Variants in AP4S1 observed in about 807,000 individuals in gnomAD.
The protein encoded by AP4S1 is AP-4 complex subunit sigma-1.
A neutral mutation model predicts 19.8 loss-of-function variants in AP4S1; 23 were observed. The ratio of observed to expected loss-of-function variants is 1.16; its 90% confidence interval spans 0.84 to 1.65. AP4S1 has a LOEUF of 1.65. Ranked by LOEUF, AP4S1 falls within the 40% of genes most tolerant of loss-of-function variation. The pLI is 0.00. For missense variants in AP4S1, 166 were observed against 172.8 expected, an observed-to-expected ratio of 0.96 and a Z score of 0.22; for synonymous variants, 46 against 54.1, an observed-to-expected ratio of 0.85 and a Z score of 0.66.
chr14:31,092,311 G>A (rs1209613941), intron 5 of AP4S1, among the ~76,000 whole-genome samples: 1 of 152,214 alleles, frequency 6.6e-6, no homozygotes, highest in Admixed American at 6.5e-5. Flanking sequence ...TGGGGGCTGA[G>A]GAGGGAGGTG....
chr14:31,049,413 CAAAA>C (rs1206930739), intron 1 of AP4S1, among the ~76,000 whole-genome samples: 1 of 43,544 alleles, frequency 2.3e-5, no homozygotes, highest in African/African-American at 1.1e-4. Context: ...GACTCGGTCT[CAAAA>C]AAAAAAAAAA....
chr14:31,033,300 G>C (rs1001427507), intron 1 of AP4S1, among the ~76,000 whole-genome samples: 1 of 151,740 alleles, frequency 6.6e-6, no homozygotes. Context: ...TGCAACCTCT[G>C]CCTCCCGTGT....
Position 31,078,769 on chromosome 14 carries a change from C to T in AP4S1, c.295-1804C>T, listed in dbSNP as rs141142853. On this transcript the variant is annotated intron_variant, in intron 4 of 5. Transcript: ENST00000542754. ...GTAAAGATTAGAATTTAATTTCAGCCAGGTGATTATGCAGGACTTGGACGG... is the reference window on the plus strand; with the variant it reads ...GTAAAGATTAGAATTTAATTTCAGCTAGGTGATTATGCAGGACTTGGACGG... 5.6e-4 allele frequency among the ~76,000 whole-genome samples: 85 copies of T among 152,100 alleles called. 1 individual carries two copies. The highest frequency in any genetic ancestry group is 1.6e-3 in the African/African-American group (67 of 41,472).
intron 1 of AP4S1, among the ~76,000 whole-genome samples, chr14:31,064,613 C>T (rs1177070439): frequency 1.3e-5 from 2 of 152,116 alleles, no homozygotes; most frequent in Non-Finnish European, 1.5e-5. Context: ...TGAGCCACCG[C>T]GCCTGACCAA....
intron 4 of AP4S1, 113 bp from the exon 5 acceptor site, chr14:31,080,460 A>C (rs147307302): frequency 2.4e-6 from 2 of 838,510 alleles, no homozygotes; most frequent in African/African-American, 3.3e-5. Flanking sequence ...GCCCAGAAGC[A>C]GGTAGGAGAG....
intron 4 of AP4S1, among the ~76,000 whole-genome samples, chr14:31,074,319 C>T (rs1217806885): frequency 7.0e-6 from 1 of 141,932 alleles, no homozygotes; most frequent in African/African-American, 2.7e-5. Flanking sequence ...GGCGAGACTC[C>T]GTCTCAAATA....
chr14:31,028,590 C>CACAT, intron 1 of AP4S1, among the ~76,000 whole-genome samples: 1 of 130,530 alleles, frequency 7.7e-6, no homozygotes, highest in South Asian at 2.7e-4. Context: ...AAGACATACA[C>CACAT]ACACATACAC....
At chr14:31,050,356 G>A (rs936437380) in intron 1 of AP4S1, among the ~76,000 whole-genome samples, 4 of 151,894 alleles carry the variant, frequency 2.6e-5, no homozygotes, top group Non-Finnish European at 5.9e-5. Flanking sequence ...CACCGTGCCC[G>A]GCCTATTTGT....
rs1219412342 is a variant in AP4S1, at chr14:31,048,119, G to A, written c.-71-18007G>A. Reference sequence around the variant, plus strand: ...TTTTTTTTTTTTTTTTTGAGATGGAGTTTTGCTCTTGTTGCCCAGGCTGGA... The same window carrying A: ...TTTTTTTTTTTTTTTTTGAGATGGAATTTTGCTCTTGTTGCCCAGGCTGGA... On this transcript the variant is annotated intron_variant, in intron 1 of 5. Coordinates refer to ENST00000542754, the MANE Select transcript of AP4S1 (RefSeq NM_001128126.3). Among the ~76,000 whole-genome samples, 5 of 145,002 alleles carry A rather than the reference G, an allele frequency of 3.4e-5. No homozygotes were observed. In the East Asian group the frequency reaches 1.0e-3, roughly 29 times the overall value.
chr14:31,034,760 G>C (rs1441109719), intron 1 of AP4S1, among the ~76,000 whole-genome samples: 1 of 150,726 alleles, frequency 6.6e-6, no homozygotes, highest in African/African-American at 2.4e-5. Flanking sequence ...TGGGATTACA[G>C]GCACCCGCCA....
At chr14:31,057,898 GATTAC>G (rs1886209765) in intron 1 of AP4S1, among the ~76,000 whole-genome samples, 1 of 151,370 alleles carries the variant, frequency 6.6e-6, no homozygotes, top group Admixed American at 6.6e-5. Context: ...AAAGTACTGG[GATTAC>G]AGGCGTGAGC....
chr14:31,060,574 C>T (rs1284138002), intron 1 of AP4S1, among the ~76,000 whole-genome samples: 1 of 152,172 alleles, frequency 6.6e-6, no homozygotes, highest in Non-Finnish European at 1.5e-5. Context: ...CTGTCTTACT[C>T]AAGTCTGAGC....
chr14:31,058,537 G>C (rs1180387102), intron 1 of AP4S1, among the ~76,000 whole-genome samples: 5,068 of 33,308 alleles, frequency 0.15, 256 homozygotes, highest in African/African-American at 0.25. Context: ...ATGTGTGTGT[G>C]TGTGTGTGTG....
At chr14:31,059,023 A>G (rs992326505) in intron 1 of AP4S1, among the ~76,000 whole-genome samples, 2 of 152,178 alleles carry the variant, frequency 1.3e-5, no homozygotes, top group African/African-American at 4.8e-5. Flanking sequence ...TTGATGATTA[A>G]TAACCATGAT....
intron 3 of AP4S1, among the ~76,000 whole-genome samples, chr14:31,072,198 C>T (rs962577909): frequency 1.3e-5 from 2 of 152,094 alleles, no homozygotes; most frequent in African/African-American, 4.8e-5. Flanking sequence ...ATCTCAGCCT[C>T]CCAAAGTGCT....
chr14:31,066,494 C>T (rs2139570460), intron 2 of AP4S1, among the ~76,000 whole-genome samples, 160 bp downstream of exon 2: 1 of 152,280 alleles, frequency 6.6e-6, no homozygotes, highest in East Asian at 1.9e-4. Flanking sequence ...AGAAGCATAG[C>T]TCTCTTTACA....
chr14:31,069,919 A>T lies in AP4S1; in HGVS notation c.215A>T (p.Asn72Ile). 1 of 1,610,534 alleles carries T rather than the reference A, an allele frequency of 6.2e-7. No homozygotes were observed. The highest frequency in any genetic ancestry group is 8.5e-7 in the Non-Finnish European group (1 of 1,176,738). The change falls in exon 3 of 6, where the codon AAT (asparagine) becomes ATT (isoleucine). Residue 72 changes from asparagine (N) to isoleucine (I), a missense_variant. By Grantham distance (149) the Asn-to-Ile change is moderately radical. Transcript: ENST00000542754. ...GCTCTCTTCATTGTGGTTGGAGTTA[A>T]TGACACTGAGGTAAGATAATAGAAG... ...YAALFIVVGV[N>I]DTENEMAIYE...
chr14:31,054,624 G>C (rs1244954285), intron 1 of AP4S1, among the ~76,000 whole-genome samples: 1 of 152,078 alleles, frequency 6.6e-6, no homozygotes, highest in East Asian at 1.9e-4. Flanking sequence ...TTTAGGCGGA[G>C]GTTGCAGTAA....
chr14:31,030,489 C>T (rs1489809381), intron 1 of AP4S1, among the ~76,000 whole-genome samples: 1 of 152,108 alleles, frequency 6.6e-6, no homozygotes. Flanking sequence ...ACTACCTGTA[C>T]ACAACATCAC....
Sources: allele counts gnomAD v4.1 joint callset (sites outside exome capture counted in the v4.1 genomes callset), GRCh38; gene constraint gnomAD v4.1.1; transcripts MANE v1.5; gene names NCBI Gene and HGNC (gene_info 2026-07-23, HGNC 2026-07-21).